CLUL1: variants seen among roughly 807,000 people sequenced by gnomAD.
CLUL1 encodes clusterin like 1.
Under a neutral mutation model 49.4 loss-of-function variants are expected in CLUL1, and 43 were observed. The observed-to-expected ratio is 0.87, with a 90% CI of 0.68 to 1.12. The LOEUF (loss-of-function observed/expected upper bound fraction) is 1.12. Ranked by LOEUF, CLUL1 falls within the 50% of genes most tolerant of loss-of-function variation. The pLI is 0.00. For synonymous variants in CLUL1, 192 were observed against 184.9 expected, an observed-to-expected ratio of 1.04 and a Z score of -0.31; for missense variants, 486 against 544.4, an observed-to-expected ratio of 0.89 and a Z score of 1.07.
intron 6 of CLUL1, among the ~76,000 whole-genome samples, chr18:630,861 ATT>A (rs59357214): frequency 7.8e-5 from 11 of 140,768 alleles, no homozygotes; most frequent in African/African-American, 2.3e-4. Context: ...TAATTTTTGC[ATT>A]TTTTTTTTTT....
At chr18:601,163 GA>G (rs1254200381) in intron 1 of CLUL1, among the ~76,000 whole-genome samples, 1 of 152,172 alleles carries the variant, frequency 6.6e-6, no homozygotes, top group Admixed American at 6.5e-5. Flanking sequence ...ACTGATAGAT[GA>G]GCATCACTGA....
rs1370044831 is a variant in CLUL1, at chr18:618,108, T to C, written c.106+2T>C. ...CTGCTATCAGTGAAAACCTGAAGAG[T>C]ACGTTTGGTTTCTTATCTGTGCTGT... On this transcript the variant is annotated splice_donor_variant, in intron 3 of 9. Transcript: ENST00000692774. LOFTEE classifies it high-confidence loss of function. This position sits in a 1 kb window ranked among gnomAD's most constrained non-coding sequence, Gnocchi z 4.2. 1.9e-6 allele frequency: 3 copies of C among 1,607,418 alleles called. No individual in the cohort carries two copies. The highest frequency in any genetic ancestry group is 1.6e-4 in the Middle Eastern group (1 of 6,070).
intron 2 of CLUL1, among the ~76,000 whole-genome samples, 175 bp downstream of exon 2, chr18:607,274 T>G (rs2073000910): frequency 6.6e-6 from 1 of 152,222 alleles, no homozygotes; most frequent in Admixed American, 6.5e-5. Context: ...ATTACAGGCT[T>G]GCACCACCTA....
chr18:638,576 G>GGCCA (rs1479497209), intron 7 of CLUL1, among the ~76,000 whole-genome samples: 1 of 152,126 alleles, frequency 6.6e-6, no homozygotes, highest in African/African-American at 2.4e-5. Context: ...TGATGTAATA[G>GGCCA]GCCAGCCATG....
chr18:611,426 TG>T lies in CLUL1; in HGVS notation c.-14+4329del, dbSNP rs764629415. 2.6e-5 allele frequency among the ~76,000 whole-genome samples: 4 copies of T among 152,058 alleles called. No individual in the cohort carries two copies. The East Asian group carries it at 5.8e-4, about 22-fold the overall frequency. ...TAAAAGGATTAGGAGGGCTCAGGCA[TG>T]GTGGCTCCAGCGTGTCATCCCAGCT... On this transcript the variant is annotated intron_variant, in intron 2 of 9. Transcript: ENST00000692774.
intron 2 of CLUL1, among the ~76,000 whole-genome samples, chr18:617,324 G>A (rs2073316856): frequency 6.6e-6 from 1 of 152,152 alleles, no homozygotes; most frequent in East Asian, 1.9e-4. Context: ...GCCAGGTGTG[G>A]TGGCTCACGC....
chr18:616,732 C>T, intron 2 of CLUL1: 11 of 982,232 alleles, frequency 1.1e-5, no homozygotes, highest in Non-Finnish European at 1.1e-5. Flanking sequence ...AAGCTGGTGG[C>T]AACTTCACTG....
chr18:603,842 C>A (rs189873455), intron 1 of CLUL1, among the ~76,000 whole-genome samples: 4 of 152,270 alleles, frequency 2.6e-5, no homozygotes, highest in Admixed American at 1.3e-4. Flanking sequence ...TTCTATTTCA[C>A]GAACATTTTG....
intron 1 of CLUL1, among the ~76,000 whole-genome samples, chr18:601,782 C>T (rs1019125440): frequency 8.5e-5 from 13 of 152,106 alleles, no homozygotes; most frequent in African/African-American, 3.1e-4. Flanking sequence ...GCACTCCAGC[C>T]TGGGTGTCAC....
At chr18:631,712 G>C (rs530590268) in intron 6 of CLUL1, among the ~76,000 whole-genome samples, 1 of 152,170 alleles carries the variant, frequency 6.6e-6, no homozygotes, top group Non-Finnish European at 1.5e-5. Flanking sequence ...AAGGAAAACA[G>C]ATTAGTGAAC....
At chr18:637,669 G>A (rs1363820872) in intron 7 of CLUL1, among the ~76,000 whole-genome samples, 2 of 152,154 alleles carry the variant, frequency 1.3e-5, no homozygotes, top group Non-Finnish European at 2.9e-5. Context: ...GTTACCTAGA[G>A]CAGTTGAGAG....
chr18:633,166 A>T (rs1199068533), intron 6 of CLUL1, 132 bp from the exon 7 acceptor site: 13 of 623,132 alleles, frequency 2.1e-5, no homozygotes, highest in East Asian at 1.8e-4. Flanking sequence ...AAAAATAAAT[A>T]AATTAAATAC....
intron 9 of CLUL1, 165 bp downstream of exon 9, chr18:645,262 T>TA (rs112345887): frequency 9.1e-4 from 445 of 491,326 alleles, no homozygotes; most frequent in South Asian, 1.5e-3. Flanking sequence ...ATTTGCAAAT[T>TA]AAAAAAAAAC....
At chr18:633,811 G>T (rs2074059050) in intron 7 of CLUL1, among the ~76,000 whole-genome samples, 1 of 28,994 alleles carries the variant, frequency 3.4e-5, no homozygotes, top group Non-Finnish European at 9.9e-5. Flanking sequence ...AATGAATCAG[G>T]GCGGAGCGTG....
chr18:640,159 G>A (rs2074298432), intron 7 of CLUL1, among the ~76,000 whole-genome samples: 1 of 152,130 alleles, frequency 6.6e-6, no homozygotes, highest in African/African-American at 2.4e-5. Context: ...ACCTTGAAGT[G>A]ATCTTTGGGT....
chr18:649,880 T>C lies in CLUL1; in HGVS notation c.1398-18T>C, dbSNP rs75177968. 7 of 204,862 alleles carry C rather than the reference T, an allele frequency of 3.4e-5. No individual in the cohort carries two copies. The highest frequency in any genetic ancestry group is 6.2e-5 in the African/African-American group (2 of 32,382). 12.7% of individuals were successfully genotyped at this position (204,862 alleles called of 1,614,324 possible). A position where few individuals can be genotyped will look rare whatever the true frequency, so the allele number is the denominator to read the frequency against. On this transcript the variant is annotated intron_variant, in intron 9 of 9. Transcript: ENST00000692774. ...TATTAGTATTTTGATCATTGCTGCCTTTTTTTTTTTTTTTAAGGTAAGAAG... is the reference window on the plus strand; with the variant it reads ...TATTAGTATTTTGATCATTGCTGCCCTTTTTTTTTTTTTTAAGGTAAGAAG...
At chr18:633,826 CGG>C (rs2074061121) in intron 7 of CLUL1, among the ~76,000 whole-genome samples, 5 of 115,536 alleles carry the variant, frequency 4.3e-5, no homozygotes, top group South Asian at 3.1e-4. Context: ...AGCGTGTAAT[CGG>C]AATGAATCAG....
chr18:598,648 T>C, intron 1 of CLUL1: 1 of 398,306 alleles, frequency 2.5e-6, no homozygotes, highest in East Asian at 3.6e-5. Flanking sequence ...TGGCACTGAG[T>C]TCTTGGATGG....
intron 1 of CLUL1, among the ~76,000 whole-genome samples, chr18:602,539 C>T (rs1254844416): frequency 2.0e-5 from 3 of 152,160 alleles, no homozygotes; most frequent in African/African-American, 7.2e-5. Flanking sequence ...CCTTAACTGC[C>T]CACTTCTGAA....
Sources: gnomAD v4.1 joint callset for allele counts (sites outside exome capture counted in the v4.1 genomes callset) on GRCh38, gnomAD v4.1.1 for gene constraint, Gnocchi (gnomAD v3.1) non-coding constraint, MANE v1.5 for transcripts, NCBI Gene and HGNC (gene_info 2026-07-23, HGNC 2026-07-21) for gene names.